SUN1: variants seen among roughly 807,000 people sequenced by gnomAD.
The protein encoded by SUN1 is SUN domain-containing protein 1.
Under a neutral mutation model 103.2 loss-of-function variants are expected in SUN1, and 61 were observed. The ratio of observed to expected loss-of-function variants is 0.59; its 90% CI spans 0.48 to 0.73. SUN1 has a LOEUF of 0.73. Ranked by LOEUF, SUN1 falls within the 30% of genes least tolerant of loss-of-function variation. SUN1 has a pLI of 0.00. For synonymous variants in SUN1, 490 were observed against 425.7 expected (o/e 1.15, Z -1.86); for missense variants, 1,052 against 1,034.6 (o/e 1.02, Z -0.23).
At chr7:856,941 C>A (rs1369071814) in intron 12 of SUN1, among the ~76,000 whole-genome samples, 2 of 152,182 alleles carry the variant, frequency 1.3e-5, no homozygotes, top group East Asian at 3.9e-4. Flanking sequence ...GTCGGCCCTG[C>A]CGCCCTTGGA....
chr7:824,752 A>G (rs4719475), intron 1 of SUN1, among the ~76,000 whole-genome samples: 57,200 of 151,874 alleles, frequency 0.38, 10,909 homozygotes, highest in African/African-American at 0.42. Context: ...TTGTTTCATC[A>G]TTTCCAAAAC....
intron 1 of SUN1, among the ~76,000 whole-genome samples, chr7:818,047 A>G (rs958887433): frequency 2.6e-5 from 4 of 151,940 alleles, no homozygotes; most frequent in Non-Finnish European, 4.4e-5. Flanking sequence ...TTCTTACTTC[A>G]TAAATGGAGT....
intron 5 of SUN1, among the ~76,000 whole-genome samples, chr7:844,700 A>G (rs1162243647): frequency 1.3e-5 from 2 of 152,200 alleles, no homozygotes; most frequent in Non-Finnish European, 2.9e-5. Context: ...GGGTTCCTCC[A>G]TGTGGACCAG....
intron 10 of SUN1, 130 bp from the exon 11 acceptor site, chr7:854,790 G>A: frequency 3.2e-6 from 2 of 628,380 alleles, no homozygotes. Flanking sequence ...ATTCCTTTAG[G>A]GTCCGTGCCA....
rs1323083645 is a variant in SUN1, at chr7:835,252, C to G, written c.77+2651C>G. ...ACTGGTGCTTCAGTTCACGGGTTCC[C>G]CAGCCCGCTGTCCTGCACCAGTGGC... On this transcript the variant is annotated intron_variant, in intron 1 of 18. Transcript: ENST00000401592. Among the ~76,000 whole-genome samples, 8 of 151,276 alleles carry G rather than the reference C, an allele frequency of 5.3e-5. No individual in the cohort carries two copies. In the East Asian group the frequency reaches 1.5e-3, roughly 29 times the overall value.
chr7:865,545 AAGAT>A (rs1422513415), intron 15 of SUN1, among the ~76,000 whole-genome samples: 6 of 152,358 alleles, frequency 3.9e-5, no homozygotes, highest in Admixed American at 2.6e-4. Flanking sequence ...GTGCTGCACA[AAGAT>A]AGAAGTGCAG....
intron 9 of SUN1, 33 bp downstream of exon 9, chr7:852,985 T>G (rs748121681): frequency 1.9e-6 from 3 of 1,593,570 alleles, no homozygotes; most frequent in Non-Finnish European, 2.6e-6. Context: ...CAGCTGGCAC[T>G]GCACATGTGA....
rs771703841 is a variant in SUN1 at position 860,115 on chromosome 7, G to A, written c.1525-13G>A. 1 of 1,612,210 alleles carries A rather than the reference G, an allele frequency of 6.2e-7. No homozygotes were observed. Among genetic ancestry groups the A allele is most frequent in the Non-Finnish European group, 8.5e-7 (1 of 1,178,592 alleles). On this transcript the variant is annotated splice_polypyrimidine_tract_variant and intron_variant, in intron 13 of 18. Coordinates refer to ENST00000401592, the MANE Select transcript of SUN1 (RefSeq NM_001130965.3). ...TAAAATAGGACATTTGTGTCCGTCTGCTGTTTTACTAGGTGGACGTGCAAG... is the reference window on the plus strand; with the variant it reads ...TAAAATAGGACATTTGTGTCCGTCTACTGTTTTACTAGGTGGACGTGCAAG...
At position 852,857 on chromosome 7, in the gene SUN1, G is replaced by GTGT. The variant is rs1823566235; in HGVS notation, c.961_963dup (p.Leu321dup). ...GGGCAATTTCTTTTCGTTCTTGCCC[G>GTGT]TGTTGAACTGGGCAAGCATGCATAG... is the stretch of plus-strand genomic sequence containing the variant. On this transcript the variant is annotated inframe_insertion, in exon 9 of 19. Transcript: ENST00000401592. 1 of 1,613,860 alleles carries GTGT rather than the reference G, an allele frequency of 6.2e-7. No homozygotes were observed. The highest frequency in any genetic ancestry group is 1.3e-5 in the African/African-American group (1 of 74,910).
intron 1 of SUN1, 47 bp downstream of exon 1, chr7:832,648 C>G (rs779754465): frequency 2.0e-6 from 3 of 1,507,914 alleles, no homozygotes; most frequent in Admixed American, 1.8e-5. Context: ...AATGCCCACT[C>G]GCTGTCGCGG....
At chr7:835,278 C>G (rs957974442) in intron 1 of SUN1, among the ~76,000 whole-genome samples, 1 of 152,244 alleles carries the variant, frequency 6.6e-6, no homozygotes, top group African/African-American at 2.4e-5. Context: ...CACCAGTGGC[C>G]TGGCACTCTC....
intron 10 of SUN1, among the ~76,000 whole-genome samples, chr7:854,238 G>A (rs1039294857): frequency 6.6e-6 from 1 of 152,266 alleles, no homozygotes; most frequent in African/African-American, 2.4e-5. Flanking sequence ...TCCAGCACGT[G>A]CCTGTGGGTG....
intron 5 of SUN1, among the ~76,000 whole-genome samples, chr7:848,008 G>A (rs1216938181): frequency 1.4e-5 from 2 of 147,762 alleles, no homozygotes; most frequent in East Asian, 4.1e-4. Flanking sequence ...CAGTCTCCGG[G>A]ATCCCCTGGG....
At chr7:846,736 G>T (rs1413879797) in intron 5 of SUN1, among the ~76,000 whole-genome samples, 2 of 152,096 alleles carry the variant, frequency 1.3e-5, no homozygotes, top group African/African-American at 4.8e-5. Context: ...AATTAGCTGG[G>T]CATGGTGGCA....
upstream of SUN1, chr7:815,919 C>T (rs1386417220): frequency 3.2e-5 from 7 of 221,462 alleles, no homozygotes; most frequent in Non-Finnish European, 5.7e-5. Flanking sequence ...GCCAAGGAGG[C>T]ACTGGCCGAG....
intron 1 of SUN1, among the ~76,000 whole-genome samples, chr7:824,469 A>T (rs1464450724): frequency 1.3e-5 from 2 of 152,220 alleles, no homozygotes; most frequent in Non-Finnish European, 2.9e-5. Flanking sequence ...AAATACAATG[A>T]AACTATTTAA....
chr7:841,265 C>A (rs1809568449), intron 2 of SUN1, among the ~76,000 whole-genome samples: 1 of 103,252 alleles, frequency 9.7e-6, no homozygotes, highest in African/African-American at 3.6e-5. Context: ...TTTTTTTGAG[C>A]CGGAGTCTGG....
chr7:860,840 CAAG>C (rs1831635216), intron 14 of SUN1, among the ~76,000 whole-genome samples: 1 of 152,200 alleles, frequency 6.6e-6, no homozygotes, highest in South Asian at 2.1e-4. Context: ...TGGCAGCAGA[CAAG>C]AGAGTGTATG....
Position 873,620 on chromosome 7 carries a change from C to A in SUN1, c.*289C>A. 1 of 334,222 alleles carries A rather than the reference C, an allele frequency of 3.0e-6. No individual in the cohort carries two copies. Among genetic ancestry groups the A allele is most frequent in the Non-Finnish European group, 5.5e-6 (1 of 180,968 alleles). 20.7% of individuals were successfully genotyped at this position (334,222 alleles called of 1,614,324 possible). ...GGGAAGCTCTTTGCATTTGCATTTC[C>A]TCAACAAAGGAGCAAAGCAGAGGAA... On this transcript the variant is annotated 3_prime_UTR_variant, in exon 19 of 19. Transcript: ENST00000401592.
Sources: allele counts gnomAD v4.1 joint callset (sites outside exome capture counted in the v4.1 genomes callset), GRCh38; gene constraint gnomAD v4.1.1; transcripts MANE v1.5; gene names NCBI Gene and HGNC (gene_info 2026-07-23, HGNC 2026-07-21).